The following PRPH2 variants were observed in gnomAD, a reference collection of about 807,000 sequenced individuals.
PRPH2 encodes the protein peripherin 2, also known as peripherin-2.
PRPH2 carries 17 observed loss-of-function variants against 31.3 expected under a neutral mutation model. The observed-to-expected ratio is 0.54, with a 90% CI of 0.37 to 0.81. The LOEUF (loss-of-function observed/expected upper bound fraction) is 0.81. PRPH2 is among the 40% of genes least tolerant of loss of function. The pLI is 0.00. For synonymous variants in PRPH2, 165 were observed against 184.4 expected, an observed-to-expected ratio of 0.89 and a Z score of 0.85; for missense variants, 430 against 439.7, an observed-to-expected ratio of 0.98 and a Z score of 0.20.
intron 1 of PRPH2, among the ~76,000 whole-genome samples, chr6:42,717,503 G>A (rs1270984222): frequency 6.6e-6 from 1 of 152,026 alleles, no homozygotes; most frequent in East Asian, 1.9e-4. Context: ...GGGGGGTGCT[G>A]CCGAGATAAT....
At chr6:42,713,413 G>A (rs1354972950) in intron 1 of PRPH2, among the ~76,000 whole-genome samples, 2 of 152,178 alleles carry the variant, frequency 1.3e-5, no homozygotes, top group African/African-American at 4.8e-5. Flanking sequence ...GGAGGGAGAT[G>A]TGGGAGGTTG....
intron 2 of PRPH2, among the ~76,000 whole-genome samples, chr6:42,703,830 G>T (rs1412671332): frequency 1.3e-5 from 2 of 152,150 alleles, no homozygotes; most frequent in African/African-American, 4.8e-5. Context: ...TCGGTCGGGT[G>T]CAGTGCTCAC....
At chr6:42,714,959 C>T (rs1156798172) in intron 1 of PRPH2, among the ~76,000 whole-genome samples, 3 of 152,116 alleles carry the variant, frequency 2.0e-5, no homozygotes, top group African/African-American at 7.2e-5. Context: ...CGCCTATAAT[C>T]CCAGCACTTT....
Position 42,704,747 on chromosome 6 carries a change from T to G in PRPH2, c.582-136A>C, listed in dbSNP as rs1211807416. On this transcript the variant is annotated intron_variant, in intron 1 of 2. Coordinates refer to ENST00000230381, the MANE Select transcript of PRPH2 (RefSeq NM_000322.5). ...TGGTATATATTTGCTGTGCGCCCGCTACGTGCCAGTCACTGTTCTAGGCGC... is the reference window on the plus strand; with the variant it reads ...TGGTATATATTTGCTGTGCGCCCGCGACGTGCCAGTCACTGTTCTAGGCGC... The G allele has an allele frequency of 3.0e-6, 4 of 1,323,106 alleles. No individual in the cohort carries two copies. In the Admixed American group the frequency reaches 7.4e-5, roughly 25 times the overall value. The allele number at this position is 1,323,106 out of a possible 1,614,324, so 82.0% of individuals were successfully genotyped here. A position where few individuals can be genotyped will look rare whatever the true frequency, so the allele number is the denominator to read the frequency against.
chr6:42,701,979 G>A (rs1005929249), intron 2 of PRPH2, among the ~76,000 whole-genome samples: 1 of 151,914 alleles, frequency 6.6e-6, no homozygotes. Context: ...AGTGGCTCAC[G>A]CCTGTAATCC....
intron 1 of PRPH2, among the ~76,000 whole-genome samples, chr6:42,718,802 G>A (rs553794831): frequency 6.6e-6 from 1 of 151,944 alleles, no homozygotes; most frequent in East Asian, 2.0e-4. Context: ...ACAGGTGCAA[G>A]CCACCACTCC....
chr6:42,708,828 G>C (rs1800220257), intron 1 of PRPH2, among the ~76,000 whole-genome samples: 1 of 152,234 alleles, frequency 6.6e-6, no homozygotes. Context: ...GGGAGTGATA[G>C]CAGCTGCCTC....
intron 1 of PRPH2, among the ~76,000 whole-genome samples, chr6:42,719,987 C>T (rs1232416078): frequency 2.0e-5 from 3 of 152,072 alleles, no homozygotes; most frequent in South Asian, 2.1e-4. Context: ...GAGAAGCTAG[C>T]TTGAATTTGT....
chr6:42,716,115 C>T (rs951657889), intron 1 of PRPH2, among the ~76,000 whole-genome samples: 3 of 152,174 alleles, frequency 2.0e-5, no homozygotes, highest in African/African-American at 7.2e-5. Context: ...GAGGAGGATC[C>T]CTGTGGATTT....
intron 1 of PRPH2, among the ~76,000 whole-genome samples, chr6:42,717,373 C>T (rs1254758007): frequency 6.6e-6 from 1 of 151,754 alleles, no homozygotes; most frequent in Non-Finnish European, 1.5e-5. Flanking sequence ...GAGCTGAGAT[C>T]GCACCATGGC....
intron 1 of PRPH2, among the ~76,000 whole-genome samples, chr6:42,720,704 GA>G (rs1343323698): frequency 6.6e-6 from 1 of 151,820 alleles, no homozygotes; most frequent in Non-Finnish European, 1.5e-5. Context: ...GCCTCACTGG[GA>G]AGAAAAAAAA....
chr6:42,713,919 C>CAA lies in PRPH2; in HGVS notation c.581+7833_581+7834dup, dbSNP rs55805454. Among the ~76,000 whole-genome samples the CAA allele has an allele frequency of 4.9e-3, 185 of 38,134 alleles. 17 individuals are homozygous for CAA. Among genetic ancestry groups the CAA allele is most frequent in the African/African-American group, 0.016 (165 of 10,258 alleles). The allele number at this position is 38,134 out of a possible 152,430, so 25.0% of individuals were successfully genotyped here. Reference sequence around the variant, plus strand: ...TGGGTGACTGAGCAAGACTCCATCTCAAAAAAAAAAAAAAAAAAAAAAAAA... The same window carrying CAA: ...TGGGTGACTGAGCAAGACTCCATCTCAAAAAAAAAAAAAAAAAAAAAAAAAAA... On this transcript the variant is annotated intron_variant, in intron 1 of 2. Coordinates refer to ENST00000230381, the MANE Select transcript of PRPH2 (RefSeq NM_000322.5).
At position 42,697,255 on chromosome 6, in the gene PRPH2, G is replaced by A. The variant is rs1482511282; in HGVS notation, c.*1040C>T. 6.6e-6 allele frequency: 1 copy of A among 152,208 alleles called. No individual in the cohort carries two copies. Among genetic ancestry groups the A allele is most frequent in the East Asian group, 1.9e-4 (1 of 5,190 alleles). The allele number at this position is 152,208 out of a possible 1,614,324, so 9.4% of individuals were successfully genotyped here. A position where few individuals can be genotyped will look rare whatever the true frequency, so the allele number is the denominator to read the frequency against. ...ATCTCAAAGAATCTCCTTTGATGCA[G>A]AAGCATTCCAGAAATAGTGTTTTTC... On this transcript the variant is annotated 3_prime_UTR_variant, in exon 3 of 3. Coordinates refer to ENST00000230381, the MANE Select transcript of PRPH2 (RefSeq NM_000322.5).
At chr6:42,721,698 G>A (rs1405640337) in intron 1 of PRPH2, 56 bp downstream of exon 1, 2 of 1,597,982 alleles carry the variant, frequency 1.3e-6, no homozygotes, top group Non-Finnish European at 1.7e-6. Flanking sequence ...AGAGGCCTGA[G>A]CCTCAGTGTC....
At chr6:42,721,703 A>G in intron 1 of PRPH2, 51 bp downstream of exon 1, 1 of 1,603,148 alleles carries the variant, frequency 6.2e-7, no homozygotes, top group Non-Finnish European at 8.5e-7. Context: ...CCTGAGCCTC[A>G]GTGTCCCCAA....
At chr6:42,700,635 T>G (rs939128901) in intron 2 of PRPH2, among the ~76,000 whole-genome samples, 3 of 152,250 alleles carry the variant, frequency 2.0e-5, no homozygotes, top group African/African-American at 7.2e-5. Context: ...GTCCTCTTGA[T>G]GTGAACGCGT....
intron 2 of PRPH2, among the ~76,000 whole-genome samples, 197 bp downstream of exon 2, chr6:42,704,168 T>A (rs1203459529): frequency 1.2e-5 from 1 of 83,188 alleles, no homozygotes; most frequent in Non-Finnish European, 2.9e-5. Context: ...AATAAATGAA[T>A]AAATAAATAA....
rs1380413370 is a variant in PRPH2, at chr6:42,721,904, G to T, written c.431C>A (p.Thr144Lys). ...LKNGMKYYRDTDTPGRCFMKK... is the reference protein window; with the variant it reads ...LKNGMKYYRDKDTPGRCFMKK... ...CATGAAACACCTGCCAGGGGTGTCT[G>T]TGTCCCGGTAGTACTTCATGCCGTT... Residue 144 changes from threonine (T) to lysine (K), a missense_variant, in exon 1 of 3, where the codon ACA becomes AAA. By Grantham distance (78) the Thr-to-Lys change is moderately conservative. Transcript: ENST00000230381. 1.2e-6 allele frequency: 2 copies of T among 1,614,076 alleles called. No individual in the cohort carries two copies. The highest frequency in any genetic ancestry group is 2.7e-5 in the African/African-American group (2 of 74,934).
intron 1 of PRPH2, chr6:42,712,003 A>C: frequency 1.0e-6 from 1 of 979,144 alleles, no homozygotes; most frequent in Non-Finnish European, 1.2e-6. Context: ...CTACGGTAAG[A>C]TACACAGAGC....
Sources: gnomAD v4.1 joint callset for allele counts (sites outside exome capture counted in the v4.1 genomes callset) on GRCh38, gnomAD v4.1.1 for gene constraint, MANE v1.5 for transcripts, NCBI Gene and HGNC (gene_info 2026-07-23, HGNC 2026-07-21) for gene names.